Variants in SCRN3 observed in about 807,000 individuals in gnomAD.
SCRN3 encodes secernin 3, also known as secernin-3.
Under a neutral mutation model 43.1 loss-of-function variants are expected in SCRN3, and 39 were observed. The observed-to-expected ratio is 0.91, with a 90% CI of 0.70 to 1.18. The LOEUF is 1.18. Ranked by LOEUF, SCRN3 falls within the 50% of genes most tolerant of loss-of-function variation. The pLI, the probability that SCRN3 is intolerant of heterozygous loss-of-function variation, is 0.00. For missense variants in SCRN3, 484 were observed against 498.0 expected (o/e 0.97, Z 0.27); for synonymous variants, 147 against 163.1 (o/e 0.90, Z 0.75).
intron 7 of SCRN3, among the ~76,000 whole-genome samples, chr2:174,425,232 C>T (rs1483475984): frequency 1.3e-5 from 2 of 152,118 alleles, no homozygotes; most frequent in African/African-American, 4.8e-5. Context: ...CAATATATCA[C>T]TCAAAATCTC....
rs181371645 is a variant in SCRN3 at position 174,423,887 on chromosome 2, C to G, written c.918-588C>G. Among the ~76,000 whole-genome samples the G allele has an allele frequency of 2.7e-5, 4 of 149,852 alleles. No homozygotes were observed. In the East Asian group the frequency reaches 7.8e-4, roughly 29 times the overall value. On this transcript the variant is annotated intron_variant, in intron 6 of 7. Coordinates refer to ENST00000272732, the MANE Select transcript of SCRN3 (RefSeq NM_024583.5). ...TGCTGTAGCCTTGAACTCCTGGGCT[C>G]GAGTGATCCTCCTGCCTTAGCTTCC...
Position 174,404,162 on chromosome 2 carries a change from C to A in SCRN3, c.601C>A (p.Pro201Thr), listed in dbSNP as rs368601014. 28 of 1,613,716 alleles carry A rather than the reference C, an allele frequency of 1.7e-5. No individual in the cohort carries two copies. The African/African-American group carries it at 3.2e-4, about 18-fold the overall frequency. ...SITTKIAREH[P>T]DMRNYAKRKG... ...AACAACCAAGATTGCCCGGGAACAC[C>A]CAGACATGAGAAACTATGCTAAGCG... Residue 201 changes from proline to threonine, a missense_variant, in exon 5 of 8, where the codon CCA (proline) becomes ACA (threonine). Coordinates refer to ENST00000272732, the MANE Select transcript of SCRN3 (RefSeq NM_024583.5).
chr2:174,429,757 A>G (rs894929267), downstream of SCRN3, among the ~76,000 whole-genome samples: 1 of 152,090 alleles, frequency 6.6e-6, no homozygotes, highest in Non-Finnish European at 1.5e-5. Flanking sequence ...TGCCCTAAAA[A>G]TCTTCTGTGT....
At chr2:174,418,446 C>G (rs1002786154) in intron 5 of SCRN3, among the ~76,000 whole-genome samples, 1 of 152,168 alleles carries the variant, frequency 6.6e-6, no homozygotes, top group Non-Finnish European at 1.5e-5. Flanking sequence ...TATATTCACT[C>G]ATATATTTTA....
chr2:174,424,934 C>A (rs1198914199), intron 7 of SCRN3, among the ~76,000 whole-genome samples: 1 of 152,154 alleles, frequency 6.6e-6, no homozygotes, highest in Admixed American at 6.5e-5. Flanking sequence ...CTAATCTTCA[C>A]AACCACTTTA....
At chr2:174,414,921 G>A (rs548068259) in intron 5 of SCRN3, among the ~76,000 whole-genome samples, 55 of 151,900 alleles carry the variant, frequency 3.6e-4, no homozygotes, top group Non-Finnish European at 7.5e-4. Flanking sequence ...CTGCCACCAC[G>A]CCTGGCTAAT....
intron 5 of SCRN3, among the ~76,000 whole-genome samples, chr2:174,409,349 T>G (rs1685815759): frequency 6.8e-6 from 1 of 146,836 alleles, no homozygotes; most frequent in South Asian, 2.2e-4. Flanking sequence ...TTATTCTAGT[T>G]ATACATTCTT....
At chr2:174,419,612 C>T (rs1286289324) in intron 5 of SCRN3, among the ~76,000 whole-genome samples, 1 of 151,804 alleles carries the variant, frequency 6.6e-6, no homozygotes, top group Non-Finnish European at 1.5e-5. Context: ...AACTCCTGGG[C>T]TCACAGTATC....
chr2:174,404,305 T>A lies in SCRN3; in HGVS notation c.744T>A (p.Asn248Lys). Residue 248 changes from asparagine to lysine, a missense_variant, in exon 5 of 8, where the codon AAT becomes AAA. By Grantham distance (94) the Asn-to-Lys change is moderately conservative (BLOSUM62 0). Transcript: ENST00000272732. ...ACTGTGAGGGCTACAAGCTTCTAAA[T>A]AAGCACAAAGGTAATTTTATCATAT... ...GRYCEGYKLL[N>K]KHKGNITFET... 6.2e-7 allele frequency: 1 copy of A among 1,611,358 alleles called. No individual in the cohort carries two copies. The highest frequency in any genetic ancestry group is 1.1e-5 in the South Asian group (1 of 90,902).
At chr2:174,400,969 A>G in intron 3 of SCRN3, 21 bp from the exon 4 acceptor site, 1 of 1,533,232 alleles carries the variant, frequency 6.5e-7, no homozygotes, top group East Asian at 2.4e-5. Flanking sequence ...TTAATATGAG[A>G]ACTTTATATT....
In SCRN3 at chr2:174,428,731, T is replaced by C. The variant is rs2105641804; in HGVS notation, c.*836T>C. 6.6e-6 allele frequency: 1 copy of C among 152,314 alleles called. No individual in the cohort carries two copies. Among genetic ancestry groups the C allele is most frequent in the Admixed American group, 6.5e-5 (1 of 15,294 alleles). 9.4% of individuals were successfully genotyped at this position (152,314 alleles called of 1,614,324 possible). A position where few individuals can be genotyped will look rare whatever the true frequency, so the allele number is the denominator to read the frequency against. ...AGTATATTATGAACATTATAACATTTTGAACACTATAATGCATTATATATT... is the reference window on the plus strand; with the variant it reads ...AGTATATTATGAACATTATAACATTCTGAACACTATAATGCATTATATATT... On this transcript the variant is annotated 3_prime_UTR_variant, in exon 8 of 8. Coordinates refer to ENST00000272732, the MANE Select transcript of SCRN3 (RefSeq NM_024583.5).
chr2:174,407,770 TTGAGTGGGATTCTTAATCC>T lies in SCRN3; in HGVS notation c.754+3461_754+3479del, dbSNP rs1421975929. ...TCAGTTTCCATGTAGTTGAGCGGCT[TTGAGTGGGATTCTTAATCC>T]TGAGTTCTAGTTTGATTGCACTGTG... On this transcript the variant is annotated intron_variant, in intron 5 of 7. Coordinates refer to ENST00000272732, the MANE Select transcript of SCRN3 (RefSeq NM_024583.5). Among the ~76,000 whole-genome samples, 3 of 116,226 alleles carry T rather than the reference TTGAGTGGGATTCTTAATCC, an allele frequency of 2.6e-5. No individual in the cohort carries two copies. In the East Asian group the frequency reaches 7.5e-4, roughly 29 times the overall value. 76.2% of individuals were successfully genotyped at this position (116,226 alleles called of 152,430 possible).
chr2:174,396,802 A>AAAAAC (rs1370660010), intron 1 of SCRN3, among the ~76,000 whole-genome samples: 2 of 143,484 alleles, frequency 1.4e-5, no homozygotes, highest in East Asian at 2.0e-4. Context: ...CCATCAAAAA[A>AAAAAC]AAAAAACAAA....
At chr2:174,425,319 C>T (rs1029451253) in intron 7 of SCRN3, among the ~76,000 whole-genome samples, 3 of 152,084 alleles carry the variant, frequency 2.0e-5, no homozygotes, top group South Asian at 4.2e-4. Flanking sequence ...CTATTCAGCT[C>T]GCTAAAGAAA....
At chr2:174,411,548 G>A (rs1209924338) in intron 5 of SCRN3, among the ~76,000 whole-genome samples, 7 of 152,086 alleles carry the variant, frequency 4.6e-5, no homozygotes, top group Admixed American at 1.3e-4. Flanking sequence ...CCATTGGTTC[G>A]TTCTGTATAA....
intron 1 of SCRN3, chr2:174,396,176 A>C: frequency 1.2e-6 from 1 of 812,614 alleles, no homozygotes; most frequent in Admixed American, 5.1e-5. Context: ...GTGAAATAGA[A>C]TGACAGACAG....
intron 1 of SCRN3, 148 bp downstream of exon 1, chr2:174,395,965 G>C (rs1315117024): frequency 2.2e-6 from 3 of 1,391,294 alleles, no homozygotes; most frequent in Non-Finnish European, 2.8e-6. Flanking sequence ...GTGCGGGGTG[G>C]ACCGCGGCGG....
chr2:174,404,497 G>A (rs1045383466), intron 5 of SCRN3, among the ~76,000 whole-genome samples, 182 bp downstream of exon 5: 2 of 149,272 alleles, frequency 1.3e-5, no homozygotes, highest in Non-Finnish European at 3.0e-5. Context: ...GGGTACATGT[G>A]CACATTGTGC....
At chr2:174,402,087 C>A (rs768450163) in intron 4 of SCRN3, among the ~76,000 whole-genome samples, 1 of 152,092 alleles carries the variant, frequency 6.6e-6, no homozygotes, top group Non-Finnish European at 1.5e-5. Flanking sequence ...GTTGTTTTGA[C>A]GGACATTTTG....
Sources: allele counts gnomAD v4.1 joint callset (sites outside exome capture counted in the v4.1 genomes callset), GRCh38; gene constraint gnomAD v4.1.1; transcripts MANE v1.5; gene names NCBI Gene and HGNC (gene_info 2026-07-23, HGNC 2026-07-21).